The following GYPE variants were observed in gnomAD, a reference collection of about 807,000 sequenced individuals.
The protein encoded by GYPE is glycophorin-E.
A neutral mutation model predicts 11.6 loss-of-function variants in GYPE; 8 were observed. The observed-to-expected ratio is 0.69, with a 90% CI of 0.41 to 1.25. GYPE has a LOEUF of 1.25. Ranked by LOEUF, GYPE falls within the 50% of genes most tolerant of loss-of-function variation. The probability of loss-of-function intolerance (pLI) is 0.01; values close to 1 mark genes in which losing one functional copy is unlikely to be tolerated. For missense variants in GYPE, 90 were observed against 92.8 expected, an observed-to-expected ratio of 0.97 and a Z score of 0.12; for synonymous variants, 28 against 29.6, an observed-to-expected ratio of 0.94 and a Z score of 0.18.
chr4:143,905,454 G>A lies in GYPE; in HGVS notation c.37+17C>T, dbSNP rs772411148. On this transcript the variant is annotated intron_variant, in intron 1 of 3. Transcript: ENST00000358615. The stretch of plus-strand genomic sequence containing the variant: ...ATACCCAATATAACAGAACCAAGAT[G>A]AAATAAAATCACTTACCTGACAATA... The A allele has an allele frequency of 6.2e-7, 1 of 1,612,792 alleles. No homozygotes were observed. The highest frequency in any genetic ancestry group is 8.5e-7 in the Non-Finnish European group (1 of 1,179,050).
At chr4:143,878,649 GA>G in intron 2 of GYPE, 1 of 487,300 alleles carries the variant, frequency 2.1e-6, no homozygotes, top group Admixed American at 2.2e-5. Context: ...CTGCTTCAGG[GA>G]AACGATGGAC....
chr4:143,900,348 G>C, intron 1 of GYPE, among the ~76,000 whole-genome samples: 1 of 125,584 alleles, frequency 8.0e-6, no homozygotes, highest in Non-Finnish European at 1.7e-5. Context: ...TGGTGAAAAG[G>C]TCAAAAGGTG....
intron 1 of GYPE, among the ~76,000 whole-genome samples, chr4:143,897,710 GA>G (rs1352879445): frequency 6.6e-6 from 1 of 152,080 alleles, no homozygotes; most frequent in African/African-American, 2.4e-5. Context: ...TGAAATACCT[GA>G]AATGCACTCA....
intron 1 of GYPE, among the ~76,000 whole-genome samples, chr4:143,896,472 C>G (rs1173184237): frequency 2.0e-5 from 3 of 152,182 alleles, no homozygotes; most frequent in African/African-American, 7.2e-5. Flanking sequence ...CATCTCACAC[C>G]AGTTAGAATG....
At chr4:143,876,620 A>G (rs1163334392) in intron 3 of GYPE, 126 bp downstream of exon 3, 11 of 629,718 alleles carry the variant, frequency 1.7e-5, no homozygotes, top group South Asian at 1.5e-4. Flanking sequence ...CTATGTGTCC[A>G]GTTGAAAAAG....
At chr4:143,884,013 G>T (rs188094468) in intron 1 of GYPE, among the ~76,000 whole-genome samples, 1 of 151,668 alleles carries the variant, frequency 6.6e-6, no homozygotes, top group Non-Finnish European at 1.5e-5. Flanking sequence ...TCTATGGGAG[G>T]GTGCTGCAAT....
intron 1 of GYPE, among the ~76,000 whole-genome samples, chr4:143,896,498 C>G (rs2149914601): frequency 6.6e-6 from 1 of 152,264 alleles, no homozygotes; most frequent in Non-Finnish European, 1.5e-5. Flanking sequence ...CATTAAAAGT[C>G]AGGAAACAAC....
chr4:143,902,707 G>A (rs1246575936), intron 1 of GYPE, among the ~76,000 whole-genome samples: 2 of 151,516 alleles, frequency 1.3e-5, no homozygotes, highest in East Asian at 3.9e-4. Context: ...AATACCAATC[G>A]GGAACTGTGC....
intron 1 of GYPE, among the ~76,000 whole-genome samples, chr4:143,890,179 C>T (rs1744348532): frequency 6.6e-6 from 1 of 152,152 alleles, no homozygotes; most frequent in Non-Finnish European, 1.5e-5. Context: ...GTAGGGTGAC[C>T]TGCAGTGGCA....
chr4:143,900,170 C>T (rs1226429867), intron 1 of GYPE, among the ~76,000 whole-genome samples: 1 of 150,334 alleles, frequency 6.7e-6, no homozygotes, highest in Non-Finnish European at 1.5e-5. Context: ...ATGCAAAATG[C>T]AGTTACCAAC....
intron 1 of GYPE, among the ~76,000 whole-genome samples, chr4:143,883,872 T>C (rs1223197475): frequency 3.3e-5 from 5 of 152,028 alleles, no homozygotes; most frequent in Non-Finnish European, 7.4e-5. Context: ...AAACATAGTC[T>C]GTAAATGCCA....
chr4:143,897,237 G>A (rs1479935775), intron 1 of GYPE, among the ~76,000 whole-genome samples: 1 of 152,110 alleles, frequency 6.6e-6, no homozygotes, highest in Admixed American at 6.5e-5. Flanking sequence ...GCCAAGGCAG[G>A]AGGATTGCTT....
intron 2 of GYPE, among the ~76,000 whole-genome samples, chr4:143,878,187 A>G (rs1056490324): frequency 6.6e-6 from 1 of 152,120 alleles, no homozygotes; most frequent in Non-Finnish European, 1.5e-5. Flanking sequence ...GTACAGTGGC[A>G]CAGTCATAGC....
Position 143,890,665 on chromosome 4 carries a change from A to G in GYPE, c.38-10156T>C, listed in dbSNP as rs186700446. 4.4e-3 allele frequency among the ~76,000 whole-genome samples: 665 copies of G among 152,320 alleles called. 1 individual carries two copies. The highest frequency in any genetic ancestry group is 7.6e-3 in the Admixed American group (117 of 15,306). On this transcript the variant is annotated intron_variant, in intron 1 of 3. Coordinates refer to ENST00000358615, the MANE Select transcript of GYPE (RefSeq NM_198682.3). ...TGTAAACTTCATCTTCCTGAGTTTC[A>G]AGGTCCATTCTTACATTGTCTATGG...
chr4:143,875,599 T>C, intron 3 of GYPE: 2 of 1,539,360 alleles, frequency 1.3e-6, no homozygotes, highest in Non-Finnish European at 1.8e-6. Flanking sequence ...CACAGGCCAA[T>C]CCTTCATAGG....
rs72615973 is a variant in GYPE at position 143,887,681 on chromosome 4, C to A, written c.38-7172G>T. ...GCATTGATGTGGAGGCTTAGGGCAC[C>A]TAGCAGGCAAGTGTTGGCAAATCTC... is the stretch of plus-strand genomic sequence containing the variant. On this transcript the variant is annotated intron_variant, in intron 1 of 3. Coordinates refer to ENST00000358615, the MANE Select transcript of GYPE (RefSeq NM_198682.3). 3.8e-4 allele frequency among the ~76,000 whole-genome samples: 52 copies of A among 138,302 alleles called. No individual in the cohort carries two copies. In the South Asian group the frequency reaches 7.1e-3, roughly 19 times the overall value. 90.7% of individuals were successfully genotyped at this position (138,302 alleles called of 152,430 possible). A position where few individuals can be genotyped will look rare whatever the true frequency, so the allele number is the denominator to read the frequency against.
chr4:143,875,547 G>T (rs1376261346), intron 3 of GYPE: 5 of 1,550,576 alleles, frequency 3.2e-6, no homozygotes, highest in Non-Finnish European at 4.4e-6. Flanking sequence ...TTCAGCCTCT[G>T]CTTGACCATG....
chr4:143,880,864 G>A (rs1472510095), intron 1 of GYPE, among the ~76,000 whole-genome samples: 1 of 152,148 alleles, frequency 6.6e-6, no homozygotes, highest in Non-Finnish European at 1.5e-5. Flanking sequence ...TGATGTGCAT[G>A]TGTTAGTATA....
chr4:143,896,442 T>C (rs1190978329), intron 1 of GYPE, among the ~76,000 whole-genome samples: 3 of 152,008 alleles, frequency 2.0e-5, no homozygotes, highest in Non-Finnish European at 4.4e-5. Context: ...GAAATGCAAA[T>C]CAAAACCACA....
Sources: gnomAD v4.1 joint callset for allele counts (sites outside exome capture counted in the v4.1 genomes callset) on GRCh38, gnomAD v4.1.1 for gene constraint, MANE v1.5 for transcripts, NCBI Gene and HGNC (gene_info 2026-07-23, HGNC 2026-07-21) for gene names.